The following UGT2B28 variants were observed in gnomAD, a reference collection of about 807,000 sequenced individuals.
The protein encoded by UGT2B28 is UDP-glucuronosyltransferase 2B28.
UGT2B28 carries 45 observed loss-of-function variants against 43.6 expected under a neutral mutation model. The ratio of observed to expected loss-of-function variants is 1.03; its 90% CI spans 0.81 to 1.32. The LOEUF (loss-of-function observed/expected upper bound fraction) is 1.32. Among genes scored for constraint, UGT2B28 ranks in the 40% most tolerant of loss-of-function variants. The pLI is 0.00. For synonymous variants in UGT2B28, 204 were observed against 208.1 expected, an observed-to-expected ratio of 0.98 and a Z score of 0.17; for missense variants, 649 against 625.5, an observed-to-expected ratio of 1.04 and a Z score of -0.40.
chr4:69,286,004 T>C (rs566996296), intron 2 of UGT2B28, among the ~76,000 whole-genome samples: 1 of 141,314 alleles, frequency 7.1e-6, no homozygotes, highest in East Asian at 2.0e-4. Context: ...AACAATAACC[T>C]GAAAGGTACA....
chr4:69,293,163 T>G lies in UGT2B28; in HGVS notation c.1311-1367T>G, dbSNP rs1195588948. 2.2e-4 allele frequency among the ~76,000 whole-genome samples: 31 copies of G among 140,518 alleles called. 3 individuals carry two copies. The highest frequency in any genetic ancestry group is 6.1e-5 in the Non-Finnish European group (4 of 65,764). 92.2% of individuals were successfully genotyped at this position (140,518 alleles called of 152,430 possible). ...GCTACATTAAAGAAAAAGACACTTT[T>G]GAGTACATATTATATAATTCAATTA... On this transcript the variant is annotated intron_variant, in intron 5 of 5. Transcript: ENST00000335568.
At chr4:69,283,694 GGTTATTTT>G (rs1415754005) in intron 2 of UGT2B28, among the ~76,000 whole-genome samples, 1 of 140,610 alleles carries the variant, frequency 7.1e-6, no homozygotes, top group African/African-American at 2.8e-5. Flanking sequence ...TTGCAATTAT[GGTTATTTT>G]GTTATTATTA....
At position 69,282,607 on chromosome 4, in the gene UGT2B28, C is replaced by G. The variant is rs1475988021; in HGVS notation, c.815C>G (p.Pro272Arg). The G allele has an allele frequency of 6.4e-7, 1 of 1,555,262 alleles. No homozygotes were observed. The highest frequency in any genetic ancestry group is 8.7e-7 in the Non-Finnish European group (1 of 1,153,582). ...WSFQFPHPFL[P>R]NIDFVGGLHC... ...TTTCAATTTCCTCATCCATTCTTACCAAACATTGATTTTGTTGGAGGACTC... is the reference window on the plus strand; with the variant it reads ...TTTCAATTTCCTCATCCATTCTTACGAAACATTGATTTTGTTGGAGGACTC... Residue 272 changes from proline to arginine, a missense_variant, in exon 2 of 6, where the codon CCA becomes CGA. Coordinates refer to ENST00000335568, the MANE Select transcript of UGT2B28 (RefSeq NM_053039.2).
Position 69,290,743 on chromosome 4 carries a change from A to T in UGT2B28, c.1242A>T (p.Arg414Ser), listed in dbSNP as rs776948823. 2 of 1,559,746 alleles carry T rather than the reference A, an allele frequency of 1.3e-6. 1 individual carries two copies. Among genetic ancestry groups the T allele is most frequent in the Non-Finnish European group, 1.7e-6 (2 of 1,155,364 alleles). ...TGAAGGCCAAGGGAGCAGCTGTTAG[A>T]CTGGACTTCCACACAATGTCGAGTA... Reference protein sequence around the residue: ...AHMKAKGAAVRLDFHTMSSTD... With the variant: ...AHMKAKGAAVSLDFHTMSSTD... Residue 414 changes from arginine to serine, a missense_variant, in exon 5 of 6, where the codon AGA becomes AGT. Transcript: ENST00000335568.
intron 2 of UGT2B28, among the ~76,000 whole-genome samples, chr4:69,285,449 T>G (rs1344543074): frequency 7.2e-6 from 1 of 139,618 alleles, no homozygotes; most frequent in Non-Finnish European, 1.5e-5. Flanking sequence ...AACAAGGCTC[T>G]GATATCAAGC....
In UGT2B28 at chr4:69,289,160, G is replaced by A. The variant is rs867790008; in HGVS notation, c.1003-505G>A. Among the ~76,000 whole-genome samples the A allele has an allele frequency of 3.8e-4, 53 of 139,454 alleles. 8 individuals carry two copies. The highest frequency in any genetic ancestry group is 1.4e-3 in the African/African-American group (51 of 35,642). 91.5% of individuals were successfully genotyped at this position (139,454 alleles called of 152,430 possible). On this transcript the variant is annotated intron_variant, in intron 3 of 5. Transcript: ENST00000335568. ...TTTTGCCTCTAGGTTTCTGAGGAAT[G>A]GCCACACTGTCTTCCACAATGGTTG...
At chr4:69,293,243 A>G (rs1224026456) in intron 5 of UGT2B28, among the ~76,000 whole-genome samples, 2 of 140,012 alleles carry the variant, frequency 1.4e-5, no homozygotes, top group Non-Finnish European at 3.0e-5. Flanking sequence ...CCTTAGTTGG[A>G]GGACAAAAGT....
Position 69,281,005 on chromosome 4 carries a change from G to C in UGT2B28, c.505G>C (p.Val169Leu), listed in dbSNP as rs1418847658. The C allele has an allele frequency of 6.4e-7, 1 of 1,559,786 alleles. No homozygotes were observed. The highest frequency in any genetic ancestry group is 2.3e-5 in the East Asian group (1 of 43,582). Residue 169 changes from valine to leucine, a missense_variant, in exon 1 of 6, where the codon GTG (valine) becomes CTG (leucine). By Grantham distance (32) the Val-to-Leu change is conservative. Coordinates refer to ENST00000335568, the MANE Select transcript of UGT2B28 (RefSeq NM_053039.2). ...LLAALLNIPF[V>L]YSLCFTPGYT... is the part of the protein sequence containing the mutation. ...GGCTGCGCTACTTAACATACCGTTT[G>C]TGTACAGTCTCTGCTTCACTCCTGG...
At chr4:69,293,734 A>G (rs1724021574) in intron 5 of UGT2B28, among the ~76,000 whole-genome samples, 1 of 140,316 alleles carries the variant, frequency 7.1e-6, no homozygotes, top group Non-Finnish European at 1.5e-5. Context: ...TGCAGGGGAA[A>G]AGTGTTAGAA....
chr4:69,282,348 T>A (rs1483768471), intron 1 of UGT2B28, among the ~76,000 whole-genome samples, 166 bp from the exon 2 acceptor site: 1 of 140,352 alleles, frequency 7.1e-6, no homozygotes, highest in African/African-American at 2.8e-5. Context: ...ACAAAATATA[T>A]AATACATAAA....
At chr4:69,292,053 T>C (rs1387101307) in intron 5 of UGT2B28, among the ~76,000 whole-genome samples, 1 of 140,762 alleles carries the variant, frequency 7.1e-6, no homozygotes, top group Non-Finnish European at 1.5e-5. Flanking sequence ...GGAACATTTT[T>C]AACTTTTCTA....
rs746161978 is a variant in UGT2B28, at chr4:69,294,781, G to C, written c.1562G>C (p.Arg521Thr). The C allele has an allele frequency of 1.9e-4, 294 of 1,557,716 alleles. 42 individuals carry two copies. Among genetic ancestry groups the C allele is most frequent in the Non-Finnish European group, 2.5e-4 (293 of 1,154,486 alleles). ...FCLFCFWKFA[R>T]KGKKGKRD ...CTGTTTTGTTTCTGGAAGTTTGCTA[G>C]AAAAGGGAAGAAGGGAAAAAGAGAT... is the stretch of plus-strand genomic sequence containing the variant. Residue 521 changes from arginine (R) to threonine (T), a missense_variant, in exon 6 of 6, where the codon AGA becomes ACA. Arg to Thr is a moderately conservative substitution (Grantham distance 71, BLOSUM62 -1). Coordinates refer to ENST00000335568, the MANE Select transcript of UGT2B28 (RefSeq NM_053039.2).
At chr4:69,283,382 A>G (rs1461224672) in intron 2 of UGT2B28, among the ~76,000 whole-genome samples, 2 of 140,222 alleles carry the variant, frequency 1.4e-5, no homozygotes, top group Admixed American at 1.4e-4. Flanking sequence ...AAACTACTAA[A>G]AAGAGTTAAG....
In UGT2B28 at chr4:69,289,697, T is replaced by C; in HGVS notation, c.1035T>C (p.Asp345=). The C allele has an allele frequency of 6.4e-7, 1 of 1,560,686 alleles. No homozygotes were observed. The highest frequency in any genetic ancestry group is 8.6e-7 in the Non-Finnish European group (1 of 1,156,604). ...GGAGATTTGATGGGAATAAACCAGA[T>C]GCCTTAGGTCTCAATACTCGGCTGT... The part of the protein sequence containing the change: ...VLWRFDGNKP[D]ALGLNTRLYK... Residue 345 remains aspartate, a synonymous_variant, in exon 4 of 6, where the codon GAT becomes GAC. Coordinates refer to ENST00000335568, the MANE Select transcript of UGT2B28 (RefSeq NM_053039.2).
At position 69,282,562 on chromosome 4, in the gene UGT2B28, T is replaced by G; in HGVS notation, c.770T>G (p.Leu257Arg). ...FETMGKADIW[L>R]MRNSWSFQFP... ...ACAATGGGGAAAGCTGACATATGGCTTATGCGAAACTCCTGGAGTTTTCAA... is the reference window on the plus strand; with the variant it reads ...ACAATGGGGAAAGCTGACATATGGCGTATGCGAAACTCCTGGAGTTTTCAA... The change falls in exon 2 of 6, where the codon CTT becomes CGT. Residue 257 changes from leucine (L) to arginine (R), a missense_variant. By Grantham distance (102) the Leu-to-Arg change is moderately radical. Coordinates refer to ENST00000335568, the MANE Select transcript of UGT2B28 (RefSeq NM_053039.2). The G allele has an allele frequency of 6.4e-7, 1 of 1,554,158 alleles. No homozygotes were observed. Among genetic ancestry groups the G allele is most frequent in the Non-Finnish European group, 8.7e-7 (1 of 1,153,398 alleles).
intron 5 of UGT2B28, 56 bp downstream of exon 5, chr4:69,290,867 A>C (rs1455251224): frequency 2.7e-6 from 4 of 1,501,846 alleles, no homozygotes; most frequent in Non-Finnish European, 3.6e-6. Context: ...TCTCTTTTCA[A>C]TAGTGAGCAT....
At position 69,288,982 on chromosome 4, in the gene UGT2B28, G is replaced by T. The variant is rs1366268464; in HGVS notation, c.1003-683G>T. Among the ~76,000 whole-genome samples the T allele has an allele frequency of 2.9e-5, 4 of 140,078 alleles. 1 individual carries two copies. The highest frequency in any genetic ancestry group is 1.1e-4 in the African/African-American group (4 of 35,686). The allele number at this position is 140,078 out of a possible 152,430, so 91.9% of individuals were successfully genotyped here. A position where few individuals can be genotyped will look rare whatever the true frequency, so the allele number is the denominator to read the frequency against. On this transcript the variant is annotated intron_variant, in intron 3 of 5. Coordinates refer to ENST00000335568, the MANE Select transcript of UGT2B28 (RefSeq NM_053039.2). ...ATATATGCCATATTTTCTTCATTCA[G>T]TCCATAATTGATGGTCATTTAGGTT...
Position 69,290,649 on chromosome 4 carries a change from C to T in UGT2B28, c.1148C>T (p.Ala383Val), listed in dbSNP as rs1284497364. ...GGTGGAGCCAATGGCATCTATGAGG[C>T]AATCTACCATGGGATCCCTATGGTA... is the stretch of plus-strand genomic sequence containing the variant. Reference protein sequence around the residue: ...THGGANGIYEAIYHGIPMVGI... With the variant: ...THGGANGIYEVIYHGIPMVGI... Residue 383 changes from alanine to valine, a missense_variant, in exon 5 of 6, where the codon GCA becomes GTA. Physicochemically the swap from Ala to Val is moderately conservative, Grantham distance 64. Coordinates refer to ENST00000335568, the MANE Select transcript of UGT2B28 (RefSeq NM_053039.2). 8.3e-6 allele frequency: 13 copies of T among 1,559,284 alleles called. 2 individuals carry two copies. The highest frequency in any genetic ancestry group is 1.1e-5 in the Non-Finnish European group (13 of 1,155,158).
rs1274797784 is a variant in UGT2B28 at position 69,289,732 on chromosome 4, T to C, written c.1070T>C (p.Ile357Thr). The change falls in exon 4 of 6, where the codon ATA (isoleucine) becomes ACA (threonine). Residue 357 changes from isoleucine to threonine, a missense_variant. Ile to Thr is a moderately conservative substitution (Grantham distance 89). Transcript: ENST00000335568. ...LGLNTRLYKW[I>T]PQNDLLGLPK... ...CTCAATACTCGGCTGTATAAGTGGA[T>C]ACCCCAGAATGACCTTCTAGGTAAC... 9 of 1,559,806 alleles carry C rather than the reference T, an allele frequency of 5.8e-6. 1 individual carries two copies. The highest frequency in any genetic ancestry group is 1.8e-4 in the Middle Eastern group (1 of 5,612).
Sources: allele counts gnomAD v4.1 joint callset (sites outside exome capture counted in the v4.1 genomes callset), GRCh38; gene constraint gnomAD v4.1.1; transcripts MANE v1.5; gene names NCBI Gene and HGNC (gene_info 2026-07-23, HGNC 2026-07-21).